The following COL4A5 variants were observed in gnomAD, a reference collection of about 807,000 sequenced individuals.
COL4A5 encodes the protein collagen alpha-5(IV) chain.
Under a neutral mutation model 130.2 loss-of-function variants are expected in COL4A5, and 26 were observed. That is an observed-to-expected ratio of 0.20 (90% confidence interval 0.15 to 0.28). The LOEUF (loss-of-function observed/expected upper bound fraction) is 0.28. Ranked by LOEUF, COL4A5 falls within the 10% of genes least tolerant of loss-of-function variation. The pLI is 1.00. For synonymous variants in COL4A5, 496 were observed against 439.6 expected (o/e 1.13, Z -1.60); for missense variants, 1,131 against 1,344.3 (o/e 0.84, Z 2.48).
chrX:108,621,948 T>G, intron 32 of COL4A5, 56 bp downstream of exon 32: 1 of 842,329 alleles, frequency 1.2e-6, no homozygotes, highest in East Asian at 3.2e-5. Flanking sequence ...AAATATAGCT[T>G]TATGTCAGTA....
intron 1 of COL4A5, among the ~76,000 whole-genome samples, chrX:108,483,217 G>A (rs992882003): frequency 1.0e-5 from 1 of 97,717 alleles, no homozygotes; most frequent in African/African-American, 3.6e-5. Context: ...GTGTGTGTGT[G>A]TGTGTATGTG....
At chrX:108,582,796 C>T in intron 16 of COL4A5, 88 bp from the exon 17 acceptor site, 1 of 706,571 alleles carries the variant, frequency 1.4e-6, no homozygotes, top group Non-Finnish European at 2.2e-6. Context: ...TGCCAGTATT[C>T]TCATTGCTTC....
chrX:108,576,785 T>C (rs2066156870), intron 10 of COL4A5, among the ~76,000 whole-genome samples: 2 of 112,389 alleles, frequency 1.8e-5, no homozygotes, highest in Admixed American at 1.9e-4. Flanking sequence ...TAATGTTTGA[T>C]AACTGCTAGA....
chrX:108,615,069 A>G, intron 30 of COL4A5, 45 bp downstream of exon 30: 1 of 921,422 alleles, frequency 1.1e-6, no homozygotes, highest in Non-Finnish European at 1.6e-6. Context: ...CATAATATAT[A>G]CATTTGTTAG....
intron 21 of COL4A5, 142 bp downstream of exon 21, chrX:108,591,786 A>T: frequency 2.0e-6 from 1 of 498,226 alleles, no homozygotes; most frequent in Non-Finnish European, 3.5e-6. Context: ...ATAGTGTTAT[A>T]CTTACATGAC....
At chrX:108,615,852 T>A (rs1179045217) in intron 30 of COL4A5, among the ~76,000 whole-genome samples, 1 of 112,316 alleles carries the variant, frequency 8.9e-6, no homozygotes, top group Admixed American at 9.5e-5. Context: ...TCTGAAGGCT[T>A]AAACACAGAG....
At chrX:108,505,463 T>C (rs965112532) in intron 1 of COL4A5, among the ~76,000 whole-genome samples, 7 of 111,628 alleles carry the variant, frequency 6.3e-5, no homozygotes, top group Admixed American at 2.8e-4. Context: ...ATGGACTGAA[T>C]TGTGTCCCTC....
Position 108,473,633 on chromosome X carries a change from A to ATATATATATATATATATT in COL4A5, c.81+33428_81+33429insATATATATATATATATTT. The stretch of plus-strand genomic sequence containing the variant: ...TATATGTATATATATATATATATAT[A>ATATATATATATATATATT]TTTTTTTTTTTTTGAGATGAAGTCT... On this transcript the variant is annotated intron_variant, in intron 1 of 52. Transcript: ENST00000328300. Among the ~76,000 whole-genome samples the ATATATATATATATATATT allele has an allele frequency of 7.2e-3, 249 of 34,506 alleles. 8 individuals carry two copies. Among genetic ancestry groups the ATATATATATATATATATT allele is most frequent in the African/African-American group, 0.01 (97 of 9,259 alleles). 30.0% of individuals were successfully genotyped at this position (34,506 alleles called of 115,157 possible).
intron 1 of COL4A5, among the ~76,000 whole-genome samples, chrX:108,521,657 T>G (rs913514323): frequency 9.0e-6 from 1 of 111,301 alleles, no homozygotes; most frequent in Admixed American, 9.6e-5. Flanking sequence ...TGTCTCTGAT[T>G]AAGAAGTCTT....
chrX:108,554,337 C>G (rs748283706), intron 2 of COL4A5, among the ~76,000 whole-genome samples: 1 of 111,279 alleles, frequency 9.0e-6, no homozygotes, highest in East Asian at 2.8e-4. Context: ...CACAAGGCAG[C>G]GGGAAAGAGA....
chrX:108,637,561 A>G (rs73528378), intron 36 of COL4A5, among the ~76,000 whole-genome samples: 11,612 of 111,635 alleles, frequency 0.1, 1,303 homozygotes, highest in African/African-American at 0.34. Context: ...GCTTGACTAC[A>G]AGAAAAAGAG....
intron 37 of COL4A5, among the ~76,000 whole-genome samples, chrX:108,661,820 T>A (rs2067961540): frequency 9.0e-6 from 1 of 111,540 alleles, no homozygotes; most frequent in East Asian, 2.8e-4. Context: ...ATGCCCTTTG[T>A]CTTACGTGTA....
intron 1 of COL4A5, among the ~76,000 whole-genome samples, chrX:108,489,150 A>C (rs953661651): frequency 1.6e-4 from 18 of 111,955 alleles, no homozygotes; most frequent in African/African-American, 5.8e-4. Context: ...TTACATTTGC[A>C]ATATGTATTT....
intron 3 of COL4A5, among the ~76,000 whole-genome samples, chrX:108,560,447 T>C (rs1215527465): frequency 8.9e-6 from 1 of 112,557 alleles, no homozygotes; most frequent in Non-Finnish European, 1.9e-5. Flanking sequence ...TTTCCAAAGC[T>C]GAAGTAATGT....
At chrX:108,450,614 T>A (rs1350232979) in intron 1 of COL4A5, among the ~76,000 whole-genome samples, 1 of 111,379 alleles carries the variant, frequency 9.0e-6, no homozygotes, top group Non-Finnish European at 1.9e-5. Flanking sequence ...TTCCCAAATC[T>A]TAGACTTTTC....
intron 1 of COL4A5, among the ~76,000 whole-genome samples, chrX:108,512,408 A>G (rs189804293): frequency 8.9e-6 from 1 of 112,574 alleles, no homozygotes; most frequent in African/African-American, 3.2e-5. Flanking sequence ...TTTAATAGGT[A>G]CTTTTTTATG....
intron 1 of COL4A5, among the ~76,000 whole-genome samples, chrX:108,496,225 T>A (rs989678031): frequency 3.6e-5 from 4 of 112,108 alleles, no homozygotes; most frequent in Admixed American, 1.9e-4. Flanking sequence ...AAGAACATTT[T>A]AGCTACACAC....
chrX:108,510,186 A>T (rs981050829), intron 1 of COL4A5, among the ~76,000 whole-genome samples: 6 of 111,552 alleles, frequency 5.4e-5, no homozygotes, highest in Non-Finnish European at 7.5e-5. Context: ...AGAAGAGCAG[A>T]TAAAATAAAT....
chrX:108,682,758 A>G (rs891726465), intron 47 of COL4A5, among the ~76,000 whole-genome samples: 2 of 110,935 alleles, frequency 1.8e-5, no homozygotes, highest in Non-Finnish European at 3.8e-5. Context: ...TTTTTCTTGT[A>G]AATTTGTTTA....
Sources: allele counts gnomAD v4.1 joint callset (sites outside exome capture counted in the v4.1 genomes callset), GRCh38; gene constraint gnomAD v4.1.1; transcripts MANE v1.5; gene names NCBI Gene and HGNC (gene_info 2026-07-23, HGNC 2026-07-21).